TNRC6C: variants seen among roughly 807,000 people sequenced by gnomAD.
TNRC6C encodes the protein trinucleotide repeat-containing gene 6C protein.
A neutral mutation model predicts 153.7 loss-of-function variants in TNRC6C; 20 were observed. The observed-to-expected ratio is 0.13, with a 90% CI of 0.09 to 0.19. The LOEUF is 0.19. Ranked by LOEUF, TNRC6C falls within the 10% of genes least tolerant of loss-of-function variation. The pLI is 1.00. For synonymous variants in TNRC6C, 811 were observed against 841.4 expected, an observed-to-expected ratio of 0.96 and a Z score of 0.63; for missense variants, 1,987 against 2,172.0, an observed-to-expected ratio of 0.91 and a Z score of 1.69.
At position 78,049,138 on chromosome 17, in the gene TNRC6C, G is replaced by T; in HGVS notation, c.76G>T (p.Ala26Ser). The T allele has an allele frequency of 2.5e-6, 4 of 1,603,576 alleles. No homozygotes were observed. The highest frequency in any genetic ancestry group is 3.4e-6 in the Non-Finnish European group (4 of 1,174,750). ...AAATGGCAATAATGGCACCAATGGCGCACTCGTCCAAAGCCCTTCTAATCA... is the reference window on the plus strand; with the variant it reads ...AAATGGCAATAATGGCACCAATGGCTCACTCGTCCAAAGCCCTTCTAATCA... The change falls in exon 3 of 20, where the codon GCA becomes TCA. Residue 26 changes from alanine to serine, a missense_variant. By Grantham distance (99) the Ala-to-Ser change is moderately conservative (BLOSUM62 1). Transcript: ENST00000301624. The surrounding 1 kb of genome is among the most constrained non-coding windows in gnomAD (Gnocchi z 4.1).
intron 1 of TNRC6C, among the ~76,000 whole-genome samples, chr17:77,989,268 C>T (rs748297631): frequency 1.3e-5 from 2 of 152,212 alleles, no homozygotes; most frequent in Non-Finnish European, 2.9e-5. Flanking sequence ...GACCTACTTC[C>T]ATGCAAGTAA....
In TNRC6C at chr17:77,986,368, G is replaced by A. The variant is rs369798562; in HGVS notation, c.-37-17802G>A. On this transcript the variant is annotated intron_variant, in intron 1 of 22. Coordinates refer to the TNRC6C transcript ENST00000636222. The stretch of plus-strand genomic sequence containing the variant: ...AGACAGGTTGTGGTGAGCCGAGATC[G>A]CGCCATTGCACTCCAGCCTGGACAA... 9.5e-4 allele frequency among the ~76,000 whole-genome samples: 140 copies of A among 147,650 alleles called. 3 individuals carry two copies. The South Asian group carries it at 0.028, about 30-fold the overall frequency.
chr17:78,071,619 C>T lies in TNRC6C; in HGVS notation c.2859+454C>T, dbSNP rs192515512. ...GCCAGGCTGGTCTCGAACACCTGGG[C>T]TCAAGCGATCTGCCCGCCTCGGCCT... On this transcript the variant is annotated intron_variant, in intron 6 of 19. Coordinates refer to ENST00000301624, the Ensembl canonical transcript of TNRC6C. Among the ~76,000 whole-genome samples the T allele has an allele frequency of 1.2e-4, 18 of 152,240 alleles. No individual in the cohort carries two copies. In the East Asian group the frequency reaches 3.5e-3, roughly 29 times the overall value.
chr17:78,102,934 G>T, intron 18 of TNRC6C: 1 of 240,742 alleles, frequency 4.2e-6, no homozygotes. Flanking sequence ...CCCAAGAGTT[G>T]GAGACCAGCC....
chr17:77,959,087 C>A (rs1285736746), upstream of TNRC6C, among the ~76,000 whole-genome samples: 2 of 144,780 alleles, frequency 1.4e-5, no homozygotes, highest in South Asian at 4.2e-4. Flanking sequence ...TCGCCCGCGC[C>A]GCCGCCGCAG....
At chr17:78,094,508 G>C (rs1489643128) in intron 16 of TNRC6C, among the ~76,000 whole-genome samples, 1 of 147,594 alleles carries the variant, frequency 6.8e-6, no homozygotes, top group Non-Finnish European at 1.5e-5. Context: ...GCGTGATCTT[G>C]GCTCACTGCA....
At chr17:77,966,732 G>A (rs1178780415) in intron 1 of TNRC6C, among the ~76,000 whole-genome samples, 2 of 152,172 alleles carry the variant, frequency 1.3e-5, no homozygotes, top group African/African-American at 2.4e-5. Context: ...TGTAATAATA[G>A]ACGTCTGCTG....
At chr17:78,032,287 A>G (rs549722442) in intron 2 of TNRC6C, among the ~76,000 whole-genome samples, 2 of 152,350 alleles carry the variant, frequency 1.3e-5, no homozygotes, top group Admixed American at 1.3e-4. Flanking sequence ...ACATTGAGCC[A>G]AGCCTATCTG....
intron 11 of TNRC6C, 108 bp downstream of exon 13, chr17:78,083,274 C>T: frequency 1.4e-6 from 2 of 1,426,802 alleles, no homozygotes; most frequent in Non-Finnish European, 1.9e-6. Context: ...TCAGGGATGT[C>T]ATTGAGACTC....
chr17:78,002,245 G>A (rs2071423750), upstream of TNRC6C, among the ~76,000 whole-genome samples: 1 of 152,054 alleles, frequency 6.6e-6, no homozygotes, highest in South Asian at 2.1e-4. Flanking sequence ...GTAAATTTCA[G>A]CTGAGATTAT....
rs142902420 is a variant in TNRC6C, at chr17:77,979,749, A to T, written c.-38+20481A>T. ...CACTGTAGCTCTAAGCAGAATCAAT[A>T]CCAAAAAACAAAAATAAAGGGAAAA... is the stretch of plus-strand genomic sequence containing the variant. On this transcript the variant is annotated intron_variant, in intron 1 of 22. Coordinates refer to the TNRC6C transcript ENST00000636222. Among the ~76,000 whole-genome samples the T allele has an allele frequency of 4.8e-3, 731 of 152,280 alleles. 6 individuals carry two copies. The highest frequency in any genetic ancestry group is 7.7e-3 in the Non-Finnish European group (525 of 68,022).
At chr17:78,014,394 GTC>G (rs2071691284) in intron 1 of TNRC6C, among the ~76,000 whole-genome samples, 1 of 152,012 alleles carries the variant, frequency 6.6e-6, no homozygotes, top group South Asian at 2.1e-4. Context: ...CATTAATGCT[GTC>G]TTGATTACTC....
chr17:78,079,630 A>G lies in TNRC6C; in HGVS notation c.3357+89A>G, dbSNP rs563670177. 5 of 1,506,234 alleles carry G rather than the reference A, an allele frequency of 3.3e-6. No individual in the cohort carries two copies. In the African/African-American group the frequency reaches 5.5e-5, roughly 17 times the overall value. 93.3% of individuals were successfully genotyped at this position (1,506,234 alleles called of 1,614,324 possible). On this transcript the variant is annotated intron_variant, in intron 10 of 19. Transcript: ENST00000301624. The surrounding 1 kb of genome is among the most constrained non-coding windows in gnomAD (Gnocchi z 4.3). ...TGTGTTATCTGGAAGTCACTATTTTAAAGTGAGAGCGGAGTTAATCCATGT... is the reference window on the plus strand; with the variant it reads ...TGTGTTATCTGGAAGTCACTATTTTGAAGTGAGAGCGGAGTTAATCCATGT...
Position 78,049,692 on chromosome 17 carries a change from G to A in TNRC6C, c.630G>A (p.Met210Ile), listed in dbSNP as rs2072481393. Residue 210 changes from methionine (M) to isoleucine (I), a missense_variant, in exon 3 of 20, where the codon ATG becomes ATA. Transcript: ENST00000301624. This position sits in a 1 kb window ranked among gnomAD's most constrained non-coding sequence, Gnocchi z 4.1. ...CAAATGGACTGCCAAACTGGGGCAT[G>A]GCTGTTGGTATGGGGGCCATCATCC... is the stretch of plus-strand genomic sequence containing the variant. 1 of 1,608,366 alleles carries A rather than the reference G, an allele frequency of 6.2e-7. No individual in the cohort carries two copies. Among genetic ancestry groups the A allele is most frequent in the African/African-American group, 1.3e-5 (1 of 74,846 alleles).
chr17:78,043,432 T>C (rs1362121059), intron 2 of TNRC6C, among the ~76,000 whole-genome samples: 1 of 152,224 alleles, frequency 6.6e-6, no homozygotes, highest in Non-Finnish European at 1.5e-5. Context: ...TTTTATAATT[T>C]TTTTTATTTC....
chr17:78,008,082 C>T (rs1276114388), intron 1 of TNRC6C, among the ~76,000 whole-genome samples: 1 of 152,138 alleles, frequency 6.6e-6, no homozygotes, highest in Non-Finnish European at 1.5e-5. Flanking sequence ...GATGAGTCTC[C>T]ATTATAGCAT....
In TNRC6C at chr17:78,079,281, G is replaced by T; in HGVS notation, c.3211-114G>T. ...TTCTCTTGGGTACAAGTTGACAGTG[G>T]TAGGAAGTAGAAACAATTTTGCATT... On this transcript the variant is annotated intron_variant, in intron 9 of 19. Transcript: ENST00000301624. This position sits in a 1 kb window ranked among gnomAD's most constrained non-coding sequence, Gnocchi z 4.3. The T allele has an allele frequency of 6.8e-7, 1 of 1,461,122 alleles. No homozygotes were observed. 90.5% of individuals were successfully genotyped at this position (1,461,122 alleles called of 1,614,324 possible).
At chr17:78,067,768 A>G (rs375959564) in exon 5 of TNRC6C, 5 of 1,607,528 alleles carry the variant, frequency 3.1e-6, no homozygotes, top group South Asian at 1.1e-5. Context: ...TTCAAAATCT[A>G]TGCAAGAAGG....
intron 18 of TNRC6C, chr17:78,102,968 G>C: frequency 4.2e-6 from 1 of 237,620 alleles, no homozygotes; most frequent in South Asian, 5.8e-5. Context: ...AAGACCCCAT[G>C]TGTGTATTTT....
Sources: allele counts gnomAD v4.1 joint callset (sites outside exome capture counted in the v4.1 genomes callset), GRCh38; gene constraint gnomAD v4.1.1; non-coding constraint Gnocchi (gnomAD v3.1); transcripts MANE v1.5; gene names NCBI Gene and HGNC (gene_info 2026-07-23, HGNC 2026-07-21).